SUZ12: variants seen among roughly 807,000 people sequenced by gnomAD.
SUZ12 encodes the protein SUZ12 polycomb repressive complex 2 subunit.
SUZ12 carries 17 observed loss-of-function variants against 87.3 expected under a neutral mutation model. That is an observed-to-expected ratio of 0.19 (90% CI 0.13 to 0.29). The LOEUF (loss-of-function observed/expected upper bound fraction) is 0.29, where lower values mean the gene tolerates loss of function less well. Among genes scored for constraint, SUZ12 ranks in the 10% least tolerant of loss-of-function variants. The pLI, the probability that SUZ12 is intolerant of heterozygous loss-of-function variation, is 1.00. For synonymous variants in SUZ12, 253 were observed against 312.4 expected, an observed-to-expected ratio of 0.81 and a Z score of 2.01; for missense variants, 526 against 912.2, an observed-to-expected ratio of 0.58 and a Z score of 5.45.
chr17:31,989,765 A>ATTTTTTTTT (rs568524946), intron 10 of SUZ12, among the ~76,000 whole-genome samples: 3 of 129,856 alleles, frequency 2.3e-5, no homozygotes, highest in Non-Finnish European at 5.0e-5. Flanking sequence ...CGACCAGCTA[A>ATTTTTTTTT]TTTTTTTTTT....
At chr17:31,988,268 ATTTG>A in intron 9 of SUZ12, 48 bp from the exon 10 acceptor site, 1 of 1,454,170 alleles carries the variant, frequency 6.9e-7, no homozygotes, top group Non-Finnish European at 9.2e-7. Context: ...TCTACAATTT[ATTTG>A]AATTCATTAT....
At chr17:31,938,648 T>A (rs1380300704) in intron 1 of SUZ12, among the ~76,000 whole-genome samples, 2 of 152,236 alleles carry the variant, frequency 1.3e-5, no homozygotes, top group African/African-American at 2.4e-5. Flanking sequence ...CTAGAGAGGC[T>A]TTAATTGGAA....
At position 31,961,195 on chromosome 17, in the gene SUZ12, A is replaced by G. The variant is rs1907690351; in HGVS notation, c.456-4952A>G. 3.3e-5 allele frequency among the ~76,000 whole-genome samples: 5 copies of G among 152,008 alleles called. No homozygotes were observed. The South Asian group carries it at 8.3e-4, about 25-fold the overall frequency. ...GCCATTGAACTCCAGCCTGGGTGAC[A>G]GAGCGAGACTCCGTCTCAAAAAAAA... On this transcript the variant is annotated intron_variant, in intron 4 of 15. Transcript: ENST00000322652.
At chr17:31,972,404 T>TAA (rs1555590204) in intron 5 of SUZ12, among the ~76,000 whole-genome samples, 5 of 147,876 alleles carry the variant, frequency 3.4e-5, no homozygotes, top group East Asian at 4.0e-4. Flanking sequence ...TATATATATA[T>TAA]AAATAGAAAT....
rs185773224 is a variant in SUZ12, at chr17:31,972,272, G to A, written c.506-874G>A. Among the ~76,000 whole-genome samples, 694 of 151,764 alleles carry A rather than the reference G, an allele frequency of 4.6e-3. 7 individuals carry two copies. The highest frequency in any genetic ancestry group is 0.016 in the African/African-American group (650 of 41,352). ...TGCACTCCAACCTGGTTGACAGAAC[G>A]AGTCTCTGTCTCGAAAAGGAATTAG... On this transcript the variant is annotated intron_variant, in intron 5 of 15. Transcript: ENST00000322652.
intron 4 of SUZ12, among the ~76,000 whole-genome samples, chr17:31,958,382 A>G (rs1247909661): frequency 1.3e-5 from 2 of 152,108 alleles, no homozygotes; most frequent in Admixed American, 1.3e-4. Flanking sequence ...ATTTTTCCCT[A>G]CTTTTCTATT....
intron 14 of SUZ12, among the ~76,000 whole-genome samples, 186 bp from the exon 15 acceptor site, chr17:31,996,612 C>G (rs118002199): frequency 1.4e-3 from 208 of 151,660 alleles, no homozygotes; most frequent in Admixed American, 2.3e-3. Context: ...GAGCAAGACT[C>G]TGTCTCTAAC....
At chr17:31,979,483 A>G (rs528908465) in intron 8 of SUZ12, among the ~76,000 whole-genome samples, 2 of 152,240 alleles carry the variant, frequency 1.3e-5, no homozygotes, top group Non-Finnish European at 2.9e-5. Context: ...GTCTCCTTCA[A>G]TTTGGAATAG....
chr17:31,993,727 G>A, intron 11 of SUZ12, 138 bp from the exon 12 acceptor site: 1 of 906,242 alleles, frequency 1.1e-6, no homozygotes, highest in Non-Finnish European at 1.6e-6. Context: ...GCGTCACTGG[G>A]CATATTTAAT....
chr17:31,961,830 C>T (rs1907735237), intron 4 of SUZ12, among the ~76,000 whole-genome samples: 1 of 152,142 alleles, frequency 6.6e-6, no homozygotes, highest in Non-Finnish European at 1.5e-5. Context: ...AGCTTACCCT[C>T]ACACTTCTCA....
At chr17:31,947,739 A>G in intron 4 of SUZ12, 54 bp downstream of exon 4, 2 of 1,523,046 alleles carry the variant, frequency 1.3e-6, no homozygotes, top group Non-Finnish European at 1.8e-6. Context: ...AAGAGGAAAA[A>G]TTACAGTGAT....
intron 5 of SUZ12, 26 bp downstream of exon 5, chr17:31,966,222 G>A (rs770217065): frequency 1.3e-6 from 2 of 1,576,018 alleles, no homozygotes; most frequent in Non-Finnish European, 1.7e-6. Flanking sequence ...TAAATAAAGT[G>A]GCATTTTAAT....
At chr17:31,997,667 A>C (rs1326431403) in intron 15 of SUZ12, among the ~76,000 whole-genome samples, 5 of 81,800 alleles carry the variant, frequency 6.1e-5, no homozygotes, top group African/African-American at 2.3e-4. Context: ...CCCTATCTCC[A>C]AAAAAAAAAA....
intron 11 of SUZ12, 99 bp from the exon 12 acceptor site, chr17:31,993,766 C>A: frequency 8.2e-7 from 1 of 1,226,640 alleles, no homozygotes; most frequent in South Asian, 1.5e-5. Flanking sequence ...TTTGATTTTC[C>A]GCTTAAATTT....
At chr17:31,977,086 G>T (rs1312378347) in intron 8 of SUZ12, among the ~76,000 whole-genome samples, 1 of 152,124 alleles carries the variant, frequency 6.6e-6, no homozygotes, top group Non-Finnish European at 1.5e-5. Context: ...TGGGCCCTAC[G>T]TAAATCTTGG....
Position 31,994,075 on chromosome 17 carries a change from T to A in SUZ12, c.1437+67T>A, listed in dbSNP as rs899520954. The A allele has an allele frequency of 7.6e-6, 11 of 1,446,422 alleles. No individual in the cohort carries two copies. In the African/African-American group the frequency reaches 1.6e-4, roughly 21 times the overall value. 89.6% of individuals were successfully genotyped at this position (1,446,422 alleles called of 1,614,324 possible). On this transcript the variant is annotated intron_variant, in intron 12 of 15. Transcript: ENST00000322652. The stretch of plus-strand genomic sequence containing the variant: ...CTCTTGTACCCCATAAATATATACA[T>A]CTATGTACCCACAAAAATTTTTTAA...
At chr17:31,949,084 A>G (rs1906795337) in intron 4 of SUZ12, among the ~76,000 whole-genome samples, 1 of 152,168 alleles carries the variant, frequency 6.6e-6, no homozygotes, top group South Asian at 2.1e-4. Context: ...GGAAGCATGA[A>G]CCAACAACAG....
rs2142223093 is a variant in SUZ12, at chr17:31,999,197, T to TGG, written c.*194_*195insGG. 1 of 412,864 alleles carries TGG rather than the reference T, an allele frequency of 2.4e-6. No homozygotes were observed. The highest frequency in any genetic ancestry group is 4.0e-5 in the Admixed American group (1 of 24,882). 25.6% of individuals were successfully genotyped at this position (412,864 alleles called of 1,614,324 possible). A position where few individuals can be genotyped will look rare whatever the true frequency, so the allele number is the denominator to read the frequency against. On this transcript the variant is annotated 3_prime_UTR_variant, in exon 16 of 16. Coordinates refer to ENST00000322652, the MANE Select transcript of SUZ12 (RefSeq NM_015355.4). The stretch of plus-strand genomic sequence containing the variant: ...TGCAGCATTACATGTATATCACTTT[T>TGG]ATTGATGTCATTAAAACATTCTGTA...
At chr17:31,995,861 T>TA (rs1567839937) in intron 14 of SUZ12, 99 bp downstream of exon 14, 214 of 856,964 alleles carry the variant, frequency 2.5e-4, no homozygotes, top group African/African-American at 2.2e-3. Flanking sequence ...GGAACTTTTT[T>TA]TAAAAAAAAA....
Sources: gnomAD v4.1 joint callset for allele counts (sites outside exome capture counted in the v4.1 genomes callset) on GRCh38, gnomAD v4.1.1 for gene constraint, MANE v1.5 for transcripts, NCBI Gene and HGNC (gene_info 2026-07-23, HGNC 2026-07-21) for gene names.